The following OCA2 variants were observed in gnomAD, a reference collection of about 807,000 sequenced individuals.
OCA2 encodes the protein P protein.
OCA2 carries 77 observed loss-of-function variants against 100.2 expected under a neutral mutation model. The observed-to-expected ratio is 0.77, with a 90% CI of 0.64 to 0.93. OCA2 has a LOEUF of 0.93. OCA2 is among the 40% of genes least tolerant of loss of function. OCA2 has a pLI of 0.00. For missense variants in OCA2, 1,062 were observed against 1,089.1 expected (o/e 0.98, Z 0.35); for synonymous variants, 432 against 439.2 (o/e 0.98, Z 0.21).
Position 28,024,024 on chromosome 15 carries a change from T to C in OCA2, c.573+821A>G, listed in dbSNP as rs187488092. ...CACCCACTCATTGGGCAAATGTATTTTGAGTGCCGCTATGTGACCCTGGCT... is the reference window on the plus strand; with the variant it reads ...CACCCACTCATTGGGCAAATGTATTCTGAGTGCCGCTATGTGACCCTGGCT... On this transcript the variant is annotated intron_variant, in intron 5 of 23. Transcript: ENST00000354638. Among the ~76,000 whole-genome samples the C allele has an allele frequency of 1.6e-3, 243 of 152,278 alleles. 1 individual carries two copies. The highest frequency in any genetic ancestry group is 1.2e-3 in the Non-Finnish European group (81 of 68,026).
chr15:28,007,868 A>T (rs1041001128), intron 9 of OCA2, among the ~76,000 whole-genome samples: 2 of 152,216 alleles, frequency 1.3e-5, no homozygotes, highest in Non-Finnish European at 2.9e-5. Flanking sequence ...CCATCAAGCT[A>T]TTAAAAGACC....
chr15:27,746,329 T>C, the OCA2 span, among the ~76,000 whole-genome samples: 1 of 151,918 alleles, frequency 6.6e-6, no homozygotes, highest in Non-Finnish European at 1.5e-5. Flanking sequence ...GGAGTGGTGG[T>C]GCATCCCTGT....
chr15:27,979,108 A>C (rs1052381822), intron 14 of OCA2, among the ~76,000 whole-genome samples: 4 of 152,210 alleles, frequency 2.6e-5, no homozygotes, highest in Non-Finnish European at 5.9e-5. Context: ...CTCAACTTTG[A>C]TGTAATGTAC....
chr15:27,892,194 A>T (rs1027226916), intron 19 of OCA2, among the ~76,000 whole-genome samples: 1 of 152,150 alleles, frequency 6.6e-6, no homozygotes, highest in African/African-American at 2.4e-5. Flanking sequence ...GGAAGAACTG[A>T]ACAACACTGA....
At chr15:27,757,499 G>A (rs181640405) in intron 23 of OCA2, among the ~76,000 whole-genome samples, 162 of 152,298 alleles carry the variant, frequency 1.1e-3, no homozygotes, top group African/African-American at 3.5e-3. Context: ...AGGCAGAGAT[G>A]GTGTCTTGGA....
chr15:27,875,463 G>A (rs11858840), intron 19 of OCA2, among the ~76,000 whole-genome samples: 2,415 of 151,940 alleles, frequency 0.016, 58 homozygotes, highest in African/African-American at 0.051. Flanking sequence ...TCCTTTTGGG[G>A]AAAAAAATGC....
intron 14 of OCA2, among the ~76,000 whole-genome samples, chr15:27,973,957 A>C (rs1406244069): frequency 1.3e-5 from 2 of 152,052 alleles, no homozygotes; most frequent in Admixed American, 6.6e-5. Flanking sequence ...TGTGAAAGGG[A>C]TTGAGTTCTT....
At chr15:27,764,178 G>A (rs2031072535) in intron 23 of OCA2, among the ~76,000 whole-genome samples, 1 of 151,590 alleles carries the variant, frequency 6.6e-6, no homozygotes, top group Non-Finnish European at 1.5e-5. Flanking sequence ...GACGGGGAGA[G>A]AGAAAGAAGG....
At chr15:27,776,985 G>C (rs1400538591) in intron 23 of OCA2, among the ~76,000 whole-genome samples, 1 of 140,800 alleles carries the variant, frequency 7.1e-6, no homozygotes, top group African/African-American at 2.7e-5. Flanking sequence ...GGGGGGGGGT[G>C]GGGGGAGTGT....
intron 2 of OCA2, among the ~76,000 whole-genome samples, chr15:28,068,748 T>A (rs1420660770): frequency 1.3e-5 from 2 of 152,224 alleles, no homozygotes; most frequent in Non-Finnish European, 2.9e-5. Flanking sequence ...TATGCCACAA[T>A]CAAGTAGGCT....
chr15:27,724,340 G>A, the OCA2 span, among the ~76,000 whole-genome samples: 1 of 152,128 alleles, frequency 6.6e-6, no homozygotes, highest in Admixed American at 6.5e-5. Context: ...CTGGCTTGTA[G>A]GTGAGGCACT....
At chr15:27,977,934 C>T (rs1335202763) in intron 14 of OCA2, among the ~76,000 whole-genome samples, 1 of 152,206 alleles carries the variant, frequency 6.6e-6, no homozygotes, top group Non-Finnish European at 1.5e-5. Flanking sequence ...TTTCTAGCCT[C>T]CCGACTGTGA....
At chr15:27,895,983 A>G (rs1243816168) in intron 19 of OCA2, 13 of 808,620 alleles carry the variant, frequency 1.6e-5, no homozygotes, top group Non-Finnish European at 2.5e-5. Context: ...GGCCTGACCA[A>G]TTACGCTGCG....
chr15:28,077,810 G>A (rs767297485), intron 2 of OCA2, among the ~76,000 whole-genome samples: 10 of 152,178 alleles, frequency 6.6e-5, no homozygotes, highest in Non-Finnish European at 1.2e-4. Context: ...GGCCAGAAGC[G>A]GTGGCTCATG....
chr15:27,899,166 C>T (rs1321773194), intron 19 of OCA2, among the ~76,000 whole-genome samples: 1 of 152,134 alleles, frequency 6.6e-6, no homozygotes, highest in African/African-American at 2.4e-5. Context: ...TATCAAAAGG[C>T]TAAAGAAGAA....
At chr15:28,013,948 T>A (rs549607361) in intron 9 of OCA2, among the ~76,000 whole-genome samples, 1 of 152,266 alleles carries the variant, frequency 6.6e-6, no homozygotes, top group South Asian at 2.1e-4. Context: ...AGGTGAGGGC[T>A]CAACTTACTG....
intron 21 of OCA2, among the ~76,000 whole-genome samples, chr15:27,862,254 C>T (rs1028565798): frequency 5.3e-5 from 8 of 151,250 alleles, no homozygotes; most frequent in East Asian, 3.9e-4. Flanking sequence ...CGAGTCCTCA[C>T]GGACAGAAAG....
In OCA2 at chr15:27,937,011, C is replaced by T. The variant is rs1275943377; in HGVS notation, c.1952-10757G>A. On this transcript the variant is annotated intron_variant, in intron 18 of 23. Transcript: ENST00000354638. The stretch of plus-strand genomic sequence containing the variant: ...CGGGGGAGGGGACGCTGCTGACTTT[C>T]CCCTCCCTCTCTCTTCACCGTCCCC... Among the ~76,000 whole-genome samples the T allele has an allele frequency of 2.0e-5, 3 of 152,096 alleles. 1 individual carries two copies. Among genetic ancestry groups the T allele is most frequent in the East Asian group, 3.9e-4 (2 of 5,164 alleles).
intron 23 of OCA2, among the ~76,000 whole-genome samples, chr15:27,833,306 G>A (rs2035032314): frequency 1.3e-5 from 2 of 152,232 alleles, no homozygotes; most frequent in African/African-American, 4.8e-5. Context: ...TATCGTGACA[G>A]TACACATGTG....
Sources: allele counts gnomAD v4.1 joint callset (sites outside exome capture counted in the v4.1 genomes callset), GRCh38; gene constraint gnomAD v4.1.1; transcripts MANE v1.5; gene names NCBI Gene and HGNC (gene_info 2026-07-23, HGNC 2026-07-21).